Variants in TMEM117 observed in about 807,000 individuals in gnomAD.
TMEM117 encodes the protein transmembrane protein 117.
Under a neutral mutation model 52.4 loss-of-function variants are expected in TMEM117, and 27 were observed. That is an observed-to-expected ratio of 0.51 (90% CI 0.38 to 0.71). TMEM117 has a LOEUF of 0.71. Ranked by LOEUF, TMEM117 falls within the 30% of genes least tolerant of loss-of-function variation. The probability of loss-of-function intolerance (pLI) is 0.00; values close to 1 mark genes in which losing one functional copy is unlikely to be tolerated. For missense variants in TMEM117, 556 were observed against 630.5 expected, an observed-to-expected ratio of 0.88 and a Z score of 1.26; for synonymous variants, 215 against 206.3, an observed-to-expected ratio of 1.04 and a Z score of -0.36.
intron 6 of TMEM117, among the ~76,000 whole-genome samples, chr12:44,360,066 C>T (rs917132999): frequency 2.6e-5 from 4 of 152,020 alleles, no homozygotes; most frequent in African/African-American, 9.7e-5. Context: ...TCTCTGTATT[C>T]TTCTTAATTT....
intron 3 of TMEM117, among the ~76,000 whole-genome samples, chr12:44,031,278 C>T (rs1219798599): frequency 1.3e-5 from 2 of 152,096 alleles, no homozygotes; most frequent in East Asian, 3.8e-4. Context: ...ATAATTGTTA[C>T]ATAAAATCAT....
chr12:44,259,043 C>T (rs1950292200), intron 5 of TMEM117, among the ~76,000 whole-genome samples: 1 of 152,000 alleles, frequency 6.6e-6, no homozygotes, highest in Non-Finnish European at 1.5e-5. Flanking sequence ...GTATACAAAA[C>T]ATTTGAGTAA....
chr12:43,826,406 A>C, the TMEM117 span, among the ~76,000 whole-genome samples: 1 of 152,174 alleles, frequency 6.6e-6, no homozygotes, highest in South Asian at 2.1e-4. Context: ...TCTACTCCCC[A>C]TATTTCCAAT....
chr12:44,353,248 C>A (rs1282524967), intron 6 of TMEM117, among the ~76,000 whole-genome samples: 8 of 151,826 alleles, frequency 5.3e-5, no homozygotes, highest in Non-Finnish European at 1.2e-4. Flanking sequence ...CTGTAGGTTG[C>A]CTGTTCACTC....
At chr12:44,239,966 C>T (rs1950042324) in intron 5 of TMEM117, among the ~76,000 whole-genome samples, 1 of 151,866 alleles carries the variant, frequency 6.6e-6, no homozygotes, top group African/African-American at 2.4e-5. Flanking sequence ...GATAAAGTAA[C>T]ATATTCTATT....
At chr12:44,316,994 TTC>T (rs1350960592) in intron 6 of TMEM117, among the ~76,000 whole-genome samples, 1 of 148,738 alleles carries the variant, frequency 6.7e-6, no homozygotes, top group African/African-American at 2.5e-5. Flanking sequence ...AAATTTCTTT[TTC>T]TTTTTCTTTT....
At chr12:44,055,512 G>A (rs1947039915) in intron 3 of TMEM117, among the ~76,000 whole-genome samples, 1 of 152,146 alleles carries the variant, frequency 6.6e-6, no homozygotes, top group Admixed American at 6.5e-5. Context: ...AATAATCAGT[G>A]AATAAAAGCA....
At chr12:44,305,594 A>T (rs1202758562) in intron 6 of TMEM117, among the ~76,000 whole-genome samples, 1 of 152,188 alleles carries the variant, frequency 6.6e-6, no homozygotes, top group Admixed American at 6.5e-5. Context: ...GCAAATCAAA[A>T]CTGAATGACA....
intron 3 of TMEM117, among the ~76,000 whole-genome samples, chr12:44,059,729 A>G (rs745745166): frequency 2.0e-5 from 3 of 152,234 alleles, no homozygotes; most frequent in South Asian, 2.1e-4. Flanking sequence ...CAATGTGCTC[A>G]TTAAAATTAC....
chr12:43,972,917 A>C (rs765535156), intron 3 of TMEM117, among the ~76,000 whole-genome samples: 8 of 152,210 alleles, frequency 5.3e-5, no homozygotes, highest in African/African-American at 1.9e-4. Context: ...CAGGTGACCA[A>C]GAGCATGCTT....
chr12:44,216,994 A>T (rs1320598866), intron 5 of TMEM117, among the ~76,000 whole-genome samples: 1 of 152,184 alleles, frequency 6.6e-6, no homozygotes, highest in Non-Finnish European at 1.5e-5. Flanking sequence ...CCTGCTTTGA[A>T]TATCATAGTT....
intron 3 of TMEM117, among the ~76,000 whole-genome samples, chr12:44,105,326 T>A (rs938743132): frequency 6.6e-6 from 1 of 152,052 alleles, no homozygotes; most frequent in Non-Finnish European, 1.5e-5. Flanking sequence ...TTTAAATTAT[T>A]TCTATCTCTC....
intron 4 of TMEM117, among the ~76,000 whole-genome samples, chr12:44,198,372 A>G (rs1209404892): frequency 3.3e-5 from 5 of 152,236 alleles, no homozygotes; most frequent in African/African-American, 1.2e-4. Context: ...GCTATGCTAC[A>G]GTGGATGCAA....
intron 3 of TMEM117, among the ~76,000 whole-genome samples, chr12:44,010,947 T>C (rs571245917): frequency 7.9e-5 from 12 of 152,304 alleles, no homozygotes; most frequent in Non-Finnish European, 1.6e-4. Flanking sequence ...ACAAAAGTCT[T>C]TATTTTACCT....
intron 3 of TMEM117, among the ~76,000 whole-genome samples, chr12:43,958,008 C>G (rs944501874): frequency 6.6e-6 from 1 of 152,122 alleles, no homozygotes; most frequent in African/African-American, 2.4e-5. Context: ...GTATCTTCCC[C>G]CTTCTGAATT....
intron 2 of TMEM117, among the ~76,000 whole-genome samples, chr12:43,912,440 A>G (rs962388424): frequency 6.6e-5 from 10 of 150,614 alleles, no homozygotes; most frequent in South Asian, 2.1e-4. Flanking sequence ...TGGCACATGT[A>G]TACGTATGTA....
chr12:44,241,398 A>G (rs1455677951), intron 5 of TMEM117, among the ~76,000 whole-genome samples: 1 of 138,954 alleles, frequency 7.2e-6, no homozygotes, highest in African/African-American at 3.4e-5. Context: ...AAAAAGACAT[A>G]GTGATTCCTT....
At chr12:43,878,291 A>G (rs1943838097) in intron 2 of TMEM117, among the ~76,000 whole-genome samples, 1 of 152,150 alleles carries the variant, frequency 6.6e-6, no homozygotes, top group Non-Finnish European at 1.5e-5. Context: ...TAATTGGTAT[A>G]TTATTTTACA....
the TMEM117 span, among the ~76,000 whole-genome samples, chr12:43,801,931 G>A: frequency 6.6e-6 from 1 of 152,196 alleles, no homozygotes. Flanking sequence ...TCAAGAGGCT[G>A]AGGTGGGAAA....
Sources: allele counts gnomAD v4.1 joint callset (sites outside exome capture counted in the v4.1 genomes callset), GRCh38; gene constraint gnomAD v4.1.1; transcripts MANE v1.5; gene names NCBI Gene and HGNC (gene_info 2026-07-23, HGNC 2026-07-21).